Variants in FUBP3 observed in about 807,000 individuals in gnomAD.
FUBP3 encodes far upstream element binding protein 3, also known as far upstream element-binding protein 3.
A neutral mutation model predicts 85.6 loss-of-function variants in FUBP3; 28 were observed. The ratio of observed to expected loss-of-function variants is 0.33; its 90% CI spans 0.24 to 0.45. The LOEUF (loss-of-function observed/expected upper bound fraction) is 0.45, where lower values mean the gene tolerates loss of function less well. Among genes scored for constraint, FUBP3 ranks in the 20% least tolerant of loss-of-function variants. The probability of loss-of-function intolerance (pLI) is 1.00; values close to 1 mark genes in which losing one functional copy is unlikely to be tolerated. For missense variants in FUBP3, 583 were observed against 755.1 expected (o/e 0.77, Z 2.67); for synonymous variants, 271 against 271.4 (o/e 1.00, Z 0.01).
In FUBP3 at chr9:130,636,996, C is replaced by T; in HGVS notation, c.1711-18C>T. ...AACCTGCCATCACAGACTAATTCCT[C>T]TTCCCTTCCGCCCACAGGAGCAGTA... On this transcript the variant is annotated intron_variant, in intron 18 of 18. Transcript: ENST00000319725. The T allele has an allele frequency of 6.2e-7, 1 of 1,611,716 alleles. No homozygotes were observed.
chr9:130,628,226 T>C (rs1454110166), intron 12 of FUBP3, among the ~76,000 whole-genome samples: 1 of 152,230 alleles, frequency 6.6e-6, no homozygotes, highest in South Asian at 2.1e-4. Context: ...CCATCTTTCC[T>C]TGGCCTCTGG....
intron 2 of FUBP3, among the ~76,000 whole-genome samples, chr9:130,603,362 A>AAC (rs1554738543): frequency 3.4e-5 from 5 of 145,038 alleles, no homozygotes; most frequent in East Asian, 2.1e-4. Context: ...AAAAAAAAAA[A>AAC]AAAAAACAAA....
At chr9:130,592,672 T>C (rs1217054718) in intron 1 of FUBP3, among the ~76,000 whole-genome samples, 1 of 151,586 alleles carries the variant, frequency 6.6e-6, no homozygotes, top group Non-Finnish European at 1.5e-5. Flanking sequence ...GCCTCCTGAG[T>C]AGCCGGGACT....
rs1395640954 is a variant in FUBP3, at chr9:130,606,350, GT to G, written c.191-3599del. 3.9e-5 allele frequency among the ~76,000 whole-genome samples: 6 copies of G among 152,136 alleles called. No individual in the cohort carries two copies. The South Asian group carries it at 1.2e-3, about 32-fold the overall frequency. The stretch of plus-strand genomic sequence containing the variant: ...CTAAAAAGGAAGATTTGGGTTATTT[GT>G]TTTTACAGTTATAAAAACTGGTATT... On this transcript the variant is annotated intron_variant, in intron 2 of 18. Transcript: ENST00000319725.
intron 16 of FUBP3, 79 bp downstream of exon 16, chr9:130,632,357 G>C: frequency 1.8e-6 from 2 of 1,088,744 alleles, no homozygotes; most frequent in South Asian, 1.3e-5. Context: ...AAACGCCCTC[G>C]TTCAACTCAG....
intron 12 of FUBP3, among the ~76,000 whole-genome samples, chr9:130,627,333 G>A (rs2119113301): frequency 6.6e-6 from 1 of 152,258 alleles, no homozygotes; most frequent in East Asian, 1.9e-4. Context: ...CCTTCATTAG[G>A]TATTTGACAG....
At chr9:130,634,186 C>T (rs563370531) in intron 16 of FUBP3, among the ~76,000 whole-genome samples, 1 of 152,372 alleles carries the variant, frequency 6.6e-6, no homozygotes, top group South Asian at 2.1e-4. Context: ...CCCCCTTTCC[C>T]TCTGCCCTAC....
intron 1 of FUBP3, among the ~76,000 whole-genome samples, chr9:130,580,339 T>C (rs1360524762): frequency 3.9e-5 from 6 of 152,180 alleles, no homozygotes; most frequent in African/African-American, 7.2e-5. Flanking sequence ...GAGAATGATA[T>C]GGCCTCATTC....
intron 2 of FUBP3, among the ~76,000 whole-genome samples, chr9:130,603,469 TCCTC>T (rs746840407): frequency 9.9e-5 from 15 of 152,058 alleles, no homozygotes; most frequent in Non-Finnish European, 1.8e-4. Flanking sequence ...ATTTGTTTCT[TCCTC>T]CCTCCCTTCA....
chr9:130,583,132 A>G (rs1830203297), intron 1 of FUBP3, among the ~76,000 whole-genome samples: 1 of 152,214 alleles, frequency 6.6e-6, no homozygotes, highest in African/African-American at 2.4e-5. Flanking sequence ...ATCAGTAGAA[A>G]GTAACCTTTT....
intron 14 of FUBP3, among the ~76,000 whole-genome samples, 154 bp downstream of exon 14, chr9:130,631,784 G>T (rs940799388): frequency 6.6e-6 from 1 of 152,138 alleles, no homozygotes; most frequent in Non-Finnish European, 1.5e-5. Context: ...CGGTCCCTCC[G>T]GCCTATCACT....
intron 2 of FUBP3, among the ~76,000 whole-genome samples, chr9:130,606,553 GCT>G (rs1427707886): frequency 1.3e-5 from 2 of 152,070 alleles, no homozygotes; most frequent in Non-Finnish European, 2.9e-5. Context: ...GGGCGCGGTG[GCT>G]CACGCCTGTA....
chr9:130,599,851 G>C (rs79824653), intron 2 of FUBP3, among the ~76,000 whole-genome samples: 2,153 of 152,204 alleles, frequency 0.014, 44 homozygotes, highest in African/African-American at 0.049. Flanking sequence ...CCAGGGAGGT[G>C]CAGATCTTGC....
chr9:130,631,966 G>A lies in FUBP3; in HGVS notation c.1377G>A (p.Gly459=). ...GTACCTTTCCTCCAAGGAGCTCCGG[G>A]TGCTTCCCAAACATGGCTGCCAAGG... ...HQNTFPPRSS[G]CFPNMAAKVN... is the part of the protein sequence containing the mutation. The change falls in exon 15 of 19, where the codon GGG becomes GGA. Residue 459 remains glycine (G), a synonymous_variant. Coordinates refer to ENST00000319725, the MANE Select transcript of FUBP3 (RefSeq NM_003934.2). The A allele has an allele frequency of 6.2e-7, 1 of 1,613,630 alleles. No homozygotes were observed. The highest frequency in any genetic ancestry group is 1.3e-5 in the African/African-American group (1 of 75,046).
intron 15 of FUBP3, 32 bp from the exon 16 acceptor site, chr9:130,632,170 A>G (rs570998284): frequency 5.7e-6 from 9 of 1,584,430 alleles, no homozygotes; most frequent in Admixed American, 1.7e-5. Flanking sequence ...CTTGCCCCCT[A>G]TAGGAACGAG....
In FUBP3 at chr9:130,612,919, AG is replaced by A; in HGVS notation, c.275-33del. The A allele has an allele frequency of 5.2e-6, 7 of 1,342,690 alleles. No individual in the cohort carries two copies. The highest frequency in any genetic ancestry group is 6.4e-6 in the Non-Finnish European group (6 of 933,544). 83.2% of individuals were successfully genotyped at this position (1,342,690 alleles called of 1,614,324 possible). ...ATTCCTGCGTGGTGAAATATGGAAT[AG>A]GGGCGTGTATTCTGACCCTGTTCAA... On this transcript the variant is annotated intron_variant, in intron 4 of 18. Transcript: ENST00000319725. The surrounding 1 kb of genome is among the most constrained non-coding windows in gnomAD (Gnocchi z 4.1).
At chr9:130,624,539 C>T (rs1258271043) in intron 11 of FUBP3, among the ~76,000 whole-genome samples, 1 of 152,122 alleles carries the variant, frequency 6.6e-6, no homozygotes, top group Non-Finnish European at 1.5e-5. Flanking sequence ...GTGGGCTGCA[C>T]GCAGCCCAGG....
At chr9:130,622,669 G>T (rs1262831342) in intron 9 of FUBP3, 39 bp from the exon 10 acceptor site, 4 of 980,996 alleles carry the variant, frequency 4.1e-6, no homozygotes, top group Non-Finnish European at 6.2e-6. Context: ...AGACAGGTTT[G>T]TGAAAAGTTC....
intron 2 of FUBP3, among the ~76,000 whole-genome samples, chr9:130,602,002 A>G (rs539752791): frequency 2.4e-4 from 37 of 152,068 alleles, no homozygotes; most frequent in African/African-American, 8.4e-4. Flanking sequence ...GGGTTTCACC[A>G]TGTTGGCCAG....
Sources: gnomAD v4.1 joint callset for allele counts (sites outside exome capture counted in the v4.1 genomes callset) on GRCh38, gnomAD v4.1.1 for gene constraint, Gnocchi (gnomAD v3.1) non-coding constraint, MANE v1.5 for transcripts, NCBI Gene and HGNC (gene_info 2026-07-23, HGNC 2026-07-21) for gene names.